The following DENND4A variants were observed in gnomAD, a reference collection of about 807,000 sequenced individuals.
The protein encoded by DENND4A is DENN domain containing 4A.
Under a neutral mutation model 199.3 loss-of-function variants are expected in DENND4A, and 70 were observed. That is an observed-to-expected ratio of 0.35 (90% CI 0.29 to 0.43). DENND4A has a LOEUF of 0.43. Ranked by LOEUF, DENND4A falls within the 20% of genes least tolerant of loss-of-function variation. DENND4A has a pLI of 1.00. For synonymous variants in DENND4A, 686 were observed against 766.9 expected, an observed-to-expected ratio of 0.89 and a Z score of 1.74; for missense variants, 1,723 against 2,255.8, an observed-to-expected ratio of 0.76 and a Z score of 4.78.
intron 22 of DENND4A, among the ~76,000 whole-genome samples, chr15:65,692,101 C>A (rs1202737328): frequency 6.6e-6 from 1 of 150,852 alleles, no homozygotes; most frequent in East Asian, 1.9e-4. Context: ...CCATGCCCAG[C>A]CAAAATTGTG....
At chr15:65,772,180 A>G in intron 1 of DENND4A, 1 of 678,070 alleles carries the variant, frequency 1.5e-6, no homozygotes, top group Non-Finnish European at 2.7e-6. Context: ...TACATTAGCA[A>G]CACCATTATC....
At chr15:65,684,544 T>G (rs1023984403) in intron 23 of DENND4A, among the ~76,000 whole-genome samples, 2 of 152,246 alleles carry the variant, frequency 1.3e-5, no homozygotes, top group African/African-American at 2.4e-5. Context: ...TAGATCTATT[T>G]TTAACTTGGG....
chr15:65,767,428 A>G (rs974995844), intron 1 of DENND4A: 2 of 152,182 alleles, frequency 1.3e-5, no homozygotes. Flanking sequence ...TATATGGTGA[A>G]TATCTGTTAA....
chr15:65,718,760 CTTTTTTTTTTTTTTTTTTTT>C (rs1038227560), intron 12 of DENND4A, among the ~76,000 whole-genome samples: 8 of 67,738 alleles, frequency 1.2e-4, no homozygotes, highest in African/African-American at 3.0e-4. Context: ...GTTTTTTTTC[CTTTTTTTTTTTTTTTTTTTT>C]TTTTTTTTTG....
At position 65,671,941 on chromosome 15, in the gene DENND4A, T is replaced by C. The variant is rs2076232105; in HGVS notation, c.4370-55A>G. The stretch of plus-strand genomic sequence containing the variant: ...AACCATTAAAATTAATGAGAAAGGA[T>C]ATAAGAATCTTTTACTTCCATAAGT... On this transcript the variant is annotated intron_variant, in intron 24 of 32. Coordinates refer to ENST00000443035, the MANE Select transcript of DENND4A (RefSeq NM_001320835.1). The C allele has an allele frequency of 2.8e-6, 3 of 1,058,646 alleles. No homozygotes were observed. In the Admixed American group the frequency reaches 5.2e-5, roughly 18 times the overall value. 65.6% of individuals were successfully genotyped at this position (1,058,646 alleles called of 1,614,324 possible). A position where few individuals can be genotyped will look rare whatever the true frequency, so the allele number is the denominator to read the frequency against.
chr15:65,779,692 C>A (rs994810806), intron 1 of DENND4A, among the ~76,000 whole-genome samples: 11 of 152,002 alleles, frequency 7.2e-5, no homozygotes, highest in African/African-American at 2.7e-4. Flanking sequence ...CTCTGTCACC[C>A]AGGCTAGAGT....
intron 23 of DENND4A, among the ~76,000 whole-genome samples, chr15:65,686,338 T>C (rs889544040): frequency 2.1e-4 from 32 of 152,208 alleles, no homozygotes; most frequent in African/African-American, 7.7e-4. Flanking sequence ...TCTGTAGTTG[T>C]TGAGTGTATA....
chr15:65,746,834 A>G (rs988942176), intron 4 of DENND4A, among the ~76,000 whole-genome samples: 1 of 151,472 alleles, frequency 6.6e-6, no homozygotes, highest in Admixed American at 6.6e-5. Flanking sequence ...GCACTTTGGG[A>G]GGCCGAGGCA....
intron 20 of DENND4A, among the ~76,000 whole-genome samples, chr15:65,699,842 G>C (rs2077287643): frequency 6.6e-6 from 1 of 151,328 alleles, no homozygotes; most frequent in South Asian, 2.1e-4. Context: ...ACCAAGCCCA[G>C]CTAATTTTTG....
intron 2 of DENND4A, among the ~76,000 whole-genome samples, chr15:65,760,335 T>C (rs1039036176): frequency 2.7e-5 from 4 of 149,898 alleles, no homozygotes; most frequent in Non-Finnish European, 4.5e-5. Context: ...CGTCTCTACT[T>C]AAAATACAAA....
In DENND4A at chr15:65,669,663, A is replaced by C. The variant is rs540461440; in HGVS notation, c.4787+116T>G. The C allele has an allele frequency of 3.0e-4, 251 of 836,330 alleles. 1 individual carries two copies. In the African/African-American group the frequency reaches 3.7e-3, roughly 12 times the overall value. The allele number at this position is 836,330 out of a possible 1,614,324, so 51.8% of individuals were successfully genotyped here. A position where few individuals can be genotyped will look rare whatever the true frequency, so the allele number is the denominator to read the frequency against. On this transcript the variant is annotated intron_variant, in intron 27 of 32. Coordinates refer to ENST00000443035, the MANE Select transcript of DENND4A (RefSeq NM_001320835.1). The stretch of plus-strand genomic sequence containing the variant: ...TTAAGAGTAAGAATTTAAGATTATG[A>C]ATCTGTTATTCATAGACATTTAAAC...
chr15:65,746,369 C>CTTTTTTTTTTTTTTTTTTTT (rs573935476), intron 4 of DENND4A, among the ~76,000 whole-genome samples: 7 of 51,300 alleles, frequency 1.4e-4, no homozygotes, highest in Non-Finnish European at 2.5e-4. Flanking sequence ...ACTTTTTTCT[C>CTTTTTTTTTTTTTTTTTTTT]TTTTTTTTTT....
chr15:65,759,741 A>G (rs2076805280), intron 2 of DENND4A, among the ~76,000 whole-genome samples: 1 of 152,226 alleles, frequency 6.6e-6, no homozygotes, highest in Admixed American at 6.5e-5. Context: ...GAGCAGTTTT[A>G]CCCAATTGAC....
chr15:65,677,741 C>T (rs550499995), intron 23 of DENND4A, among the ~76,000 whole-genome samples: 10 of 152,186 alleles, frequency 6.6e-5, no homozygotes, highest in Non-Finnish European at 1.3e-4. Context: ...ATTCTCATTT[C>T]CCACTGATGT....
rs1234255036 is a variant in DENND4A, at chr15:65,771,687, C to A, written c.-101-10249G>T. 2.5e-6 allele frequency: 4 copies of A among 1,610,568 alleles called. No individual in the cohort carries two copies. In the African/African-American group the frequency reaches 4.0e-5, roughly 16 times the overall value. On this transcript the variant is annotated intron_variant, in intron 1 of 32. Coordinates refer to ENST00000443035, the MANE Select transcript of DENND4A (RefSeq NM_001320835.1). ...GAATGTATACTACCTGAAGGAAATC[C>A]ACCCCCAAAAAATATATTAAACAAG... is the stretch of plus-strand genomic sequence containing the variant.
chr15:65,696,811 A>ACT, intron 21 of DENND4A: 1 of 277,424 alleles, frequency 3.6e-6, no homozygotes, highest in Non-Finnish European at 7.2e-6. Flanking sequence ...CATTAAACAA[A>ACT]CTTTTTTTTT....
At chr15:65,785,569 G>T (rs1470906126) in intron 1 of DENND4A, among the ~76,000 whole-genome samples, 1 of 150,320 alleles carries the variant, frequency 6.7e-6, no homozygotes, top group African/African-American at 2.4e-5. Flanking sequence ...TTTTTGAAAA[G>T]TTTTAAAAAT....
At chr15:65,748,611 G>T (rs1176376211) in intron 4 of DENND4A, among the ~76,000 whole-genome samples, 1 of 144,296 alleles carries the variant, frequency 6.9e-6, no homozygotes, top group Non-Finnish European at 1.5e-5. Context: ...GACAGAACAA[G>T]ATCCTGTCTC....
intron 14 of DENND4A, among the ~76,000 whole-genome samples, chr15:65,709,381 C>T (rs1396148590): frequency 6.6e-6 from 1 of 152,064 alleles, no homozygotes; most frequent in Non-Finnish European, 1.5e-5. Flanking sequence ...ATACAATTAA[C>T]CTCTGCTCTA....
Sources: allele counts gnomAD v4.1 joint callset (sites outside exome capture counted in the v4.1 genomes callset), GRCh38; gene constraint gnomAD v4.1.1; transcripts MANE v1.5; gene names NCBI Gene and HGNC (gene_info 2026-07-23, HGNC 2026-07-21).